PPP6R1: variants seen among roughly 807,000 people sequenced by gnomAD.
PPP6R1 encodes the protein serine/threonine-protein phosphatase 6 regulatory subunit 1.
A neutral mutation model predicts 104.6 loss-of-function variants in PPP6R1; 39 were observed. The observed-to-expected ratio is 0.37, with a 90% CI of 0.29 to 0.49. PPP6R1 has a LOEUF of 0.49. PPP6R1 is among the 20% of genes least tolerant of loss of function. The pLI, the probability that PPP6R1 is intolerant of heterozygous loss-of-function variation, is 0.98. For synonymous variants in PPP6R1, 549 were observed against 479.0 expected (o/e 1.15, Z -1.91); for missense variants, 1,181 against 1,155.8 (o/e 1.02, Z -0.32).
In PPP6R1 at chr19:55,245,682, G is replaced by C; in HGVS notation, c.228-4C>G. ...CTCGCAGGCCACACTGGGGTACCTG[G>C]GAGGCAAGCACAGGCGGGTGGGGGC... On this transcript the variant is annotated splice_polypyrimidine_tract_variant and splice_region_variant and intron_variant, in intron 2 of 23. Transcript: ENST00000412770. The surrounding 1 kb of genome is among the most constrained non-coding windows in gnomAD (Gnocchi z 6.4). 6.2e-7 allele frequency: 1 copy of C among 1,604,080 alleles called. No homozygotes were observed. The highest frequency in any genetic ancestry group is 8.5e-7 in the Non-Finnish European group (1 of 1,178,310).
rs573232014 is a variant in PPP6R1, at chr19:55,241,983, A to G, written c.845+183T>C. Among the ~76,000 whole-genome samples, 3 of 151,942 alleles carry G rather than the reference A, an allele frequency of 2.0e-5. No individual in the cohort carries two copies. The highest frequency in any genetic ancestry group is 4.4e-5 in the Non-Finnish European group (3 of 67,960). Reference sequence around the variant, plus strand: ...CTCAGCCTCAGTGCCCTCACTTGTCAAAGCAGACAAGAAGATTCCTCCCTC... The same window carrying G: ...CTCAGCCTCAGTGCCCTCACTTGTCGAAGCAGACAAGAAGATTCCTCCCTC... On this transcript the variant is annotated intron_variant, in intron 7 of 23. Transcript: ENST00000412770. This position sits in a 1 kb window ranked among gnomAD's most constrained non-coding sequence, Gnocchi z 5.4.
At chr19:55,254,585 C>A (rs1021619545) in intron 1 of PPP6R1, among the ~76,000 whole-genome samples, 1 of 152,220 alleles carries the variant, frequency 6.6e-6, no homozygotes, top group Non-Finnish European at 1.5e-5. Context: ...CCCTTCCCAA[C>A]CTGCGCTGAC....
rs1230978663 is a variant in PPP6R1, at chr19:55,258,585, G to C, written c.-157C>G. The C allele has an allele frequency of 6.7e-6, 1 of 149,588 alleles. No individual in the cohort carries two copies. The highest frequency in any genetic ancestry group is 2.5e-5 in the African/African-American group (1 of 40,438). 9.3% of individuals were successfully genotyped at this position (149,588 alleles called of 1,614,324 possible). ...CTCGCGCAGGCGCCGGGGCTCGCGG[G>C]GTCCGCGCAGGCGCCCGCGGGTCGT... is the stretch of plus-strand genomic sequence containing the variant. On this transcript the variant is annotated 5_prime_UTR_variant, in exon 1 of 24. Transcript: ENST00000412770.
chr19:55,246,851 G>C (rs1459269827), intron 2 of PPP6R1, 26 bp downstream of exon 2: 32 of 1,537,436 alleles, frequency 2.1e-5, no homozygotes, highest in Non-Finnish European at 2.7e-5. Context: ...GATAGGGACG[G>C]GCTGGCCAGG....
At chr19:55,258,258 T>G (rs2087610149) in intron 1 of PPP6R1, among the ~76,000 whole-genome samples, 177 bp downstream of exon 1, 3 of 147,770 alleles carry the variant, frequency 2.0e-5, no homozygotes, top group Non-Finnish European at 3.0e-5. Flanking sequence ...CTGGGGAGGG[T>G]CGAGGGGGAA....
chr19:55,240,686 T>C, intron 10 of PPP6R1, among the ~76,000 whole-genome samples: 1 of 152,032 alleles, frequency 6.6e-6, no homozygotes, highest in Admixed American at 6.5e-5. Context: ...TGCGCACTCA[T>C]GCACACTCAG....
At chr19:55,228,780 G>T (rs755398993), downstream of PPP6R1, 16 of 1,607,024 alleles carry the variant, frequency 1.0e-5, no homozygotes, top group Non-Finnish European at 1.3e-5. Flanking sequence ...ATCTGGGAGC[G>T]AGTGGCTTCA....
chr19:55,242,289 C>A lies in PPP6R1; in HGVS notation c.732-10G>T. On this transcript the variant is annotated splice_polypyrimidine_tract_variant and intron_variant, in intron 6 of 23. Transcript: ENST00000412770. Reference sequence around the variant, plus strand: ...CTCAATCGTCTCCTGCCTGCGGGGGCAGGGGCAGGGGTCAGGGTGAGGGGC... The same window carrying A: ...CTCAATCGTCTCCTGCCTGCGGGGGAAGGGGCAGGGGTCAGGGTGAGGGGC... The A allele has an allele frequency of 6.2e-7, 1 of 1,613,710 alleles. No homozygotes were observed. Among genetic ancestry groups the A allele is most frequent in the Non-Finnish European group, 8.5e-7 (1 of 1,179,662 alleles).
chr19:55,228,492 G>C (rs2087307098), downstream of PPP6R1: 22 of 1,597,598 alleles, frequency 1.4e-5, no homozygotes, highest in East Asian at 4.5e-5. Flanking sequence ...CCATTCTTGG[G>C]ACTCAGATCT....
intron 5 of PPP6R1, 50 bp from the exon 6 acceptor site, chr19:55,242,538 C>T: frequency 1.3e-6 from 2 of 1,496,006 alleles, no homozygotes; most frequent in Non-Finnish European, 1.9e-6. Flanking sequence ...ACCGGGCCCT[C>T]TGCAGCCTGG....
Position 55,240,065 on chromosome 19 carries a change from C to A in PPP6R1, c.1411G>T (p.Ala471Ser). ...TCCGTGTTCTGCACCAGGGCACCGG[C>A]CACTCTTGTCAGGTGACCCATGTAG... Reference protein sequence around the residue: ...KGYMGHLTRVAGALVQNTEKG... With the variant: ...KGYMGHLTRVSGALVQNTEKG... The change falls in exon 12 of 24, where the codon GCC becomes TCC. Residue 471 changes from alanine (A) to serine (S), a missense_variant. By Grantham distance (99) the Ala-to-Ser change is moderately conservative. This residue lies in a region of PPP6R1 where 1,042 missense variants were observed against 955.6 expected (regional missense o/e 1.09). Coordinates refer to ENST00000412770, the MANE Select transcript of PPP6R1 (RefSeq NM_014931.4). The A allele has an allele frequency of 6.2e-7, 1 of 1,602,544 alleles. No homozygotes were observed. The highest frequency in any genetic ancestry group is 1.1e-5 in the South Asian group (1 of 89,414).
Position 55,240,074 on chromosome 19 carries a change from T to C in PPP6R1, c.1402A>G (p.Thr468Ala). 2 of 1,601,686 alleles carry C rather than the reference T, an allele frequency of 1.2e-6. No individual in the cohort carries two copies. The highest frequency in any genetic ancestry group is 2.2e-5 in the South Asian group (2 of 89,298). ...TGCACCAGGGCACCGGCCACTCTTGTCAGGTGACCCATGTAGCCTTTCCGA... is the reference window on the plus strand; with the variant it reads ...TGCACCAGGGCACCGGCCACTCTTGCCAGGTGACCCATGTAGCCTTTCCGA... ...GPRKGYMGHL[T>A]RVAGALVQNT... is the part of the protein sequence containing the mutation. The change falls in exon 12 of 24, where the codon ACA becomes GCA. Residue 468 changes from threonine to alanine, a missense_variant. Physicochemically the swap from Thr to Ala is moderately conservative, Grantham distance 58. Transcript: ENST00000412770.
downstream of PPP6R1, chr19:55,228,275 C>T (rs755916983): frequency 3.2e-5 from 52 of 1,613,146 alleles, no homozygotes; most frequent in East Asian, 1.2e-3. Context: ...TGGGTGTAGC[C>T]CCCGCTTGGG....
chr19:55,245,088 G>C lies in PPP6R1; in HGVS notation c.618+32C>G, dbSNP rs763852289. 3 of 1,610,018 alleles carry C rather than the reference G, an allele frequency of 1.9e-6. No homozygotes were observed. The highest frequency in any genetic ancestry group is 1.7e-5 in the Admixed American group (1 of 59,420). On this transcript the variant is annotated intron_variant, in intron 5 of 23. Transcript: ENST00000412770. The surrounding 1 kb of genome is among the most constrained non-coding windows in gnomAD (Gnocchi z 6.4). ...AGTGGGCATGGGGAAGGAACTCTAA[G>C]GGGAATCCGCAGGGGCATCGGCAGC...
rs1386809119 is a variant in PPP6R1, at chr19:55,238,209, C to T, written c.1751+1196G>A. Among the ~76,000 whole-genome samples, 4 of 152,144 alleles carry T rather than the reference C, an allele frequency of 2.6e-5. No individual in the cohort carries two copies. The South Asian group carries it at 8.3e-4, about 31-fold the overall frequency. Reference sequence around the variant, plus strand: ...GCCACTGTGTCCAGCCCAGTTTTCACTTGAGCATCTTCTCCAGGGGTCTCG... The same window carrying T: ...GCCACTGTGTCCAGCCCAGTTTTCATTTGAGCATCTTCTCCAGGGGTCTCG... On this transcript the variant is annotated intron_variant, in intron 15 of 23. Coordinates refer to ENST00000412770, the MANE Select transcript of PPP6R1 (RefSeq NM_014931.4).
intron 1 of PPP6R1, among the ~76,000 whole-genome samples, chr19:55,255,314 GACCAATGA>G (rs533293933): frequency 6.6e-6 from 1 of 152,334 alleles, no homozygotes; most frequent in South Asian, 2.1e-4. Context: ...GAAAGGAAAA[GACCAATGA>G]ACGGATTTGA....
At position 55,240,247 on chromosome 19, in the gene PPP6R1, G is replaced by A. The variant is rs1458066511; in HGVS notation, c.1350C>T (p.Asn450=). 4 of 1,592,286 alleles carry A rather than the reference G, an allele frequency of 2.5e-6. No homozygotes were observed. Among genetic ancestry groups the A allele is most frequent in the South Asian group, 1.1e-5 (1 of 87,482 alleles). ...VERILTSWEE[N]DRVQCAGGPR... ...CAGCAGGTGCTCACTGTACACGGTC[G>A]TTCTCCTCCCAGGACGTCAGGATCC... Residue 450 remains asparagine (N), a synonymous_variant, in exon 11 of 24, where the codon AAC becomes AAT. Coordinates refer to ENST00000412770, the MANE Select transcript of PPP6R1 (RefSeq NM_014931.4).
chr19:55,230,661 G>A lies in PPP6R1; in HGVS notation c.2594C>T (p.Pro865Leu), dbSNP rs777845762. 59 of 1,606,044 alleles carry A rather than the reference G, an allele frequency of 3.7e-5. No homozygotes were observed. The highest frequency in any genetic ancestry group is 1.0e-4 in the Admixed American group (6 of 58,858). The change falls in exon 23 of 24, where the codon CCG becomes CTG. Residue 865 changes from proline to leucine, a missense_variant. By Grantham distance (98) the Pro-to-Leu change is moderately conservative. Transcript: ENST00000412770. ...SQSAQALTPP[P>L]IPNGSAPEGP... ...TTCCGGGGCAGAGCCATTGGGTATC[G>A]GAGGAGGCGTGAGGGCCTGGGCACT...
At position 55,241,369 on chromosome 19, in the gene PPP6R1, C is replaced by A; in HGVS notation, c.1031G>T (p.Trp344Leu). The A allele has an allele frequency of 2.5e-6, 4 of 1,611,008 alleles. No individual in the cohort carries two copies. Among genetic ancestry groups the A allele is most frequent in the Non-Finnish European group, 3.4e-6 (4 of 1,179,222 alleles). The change falls in exon 9 of 24, where the codon TGG (tryptophan) becomes TTG (leucine). Residue 344 changes from tryptophan to leucine, a missense_variant. By Grantham distance (61) the Trp-to-Leu change is moderately conservative. Around this residue, in one of 2 missense-constraint regions of PPP6R1, gnomAD observed 1,042 missense variants for 955.6 expected, o/e 1.09. Transcript: ENST00000412770. This position sits in a 1 kb window ranked among gnomAD's most constrained non-coding sequence, Gnocchi z 5.4. ...PPKLEPLQMT[W>L]GMLAPPLGNT... is the part of the protein sequence containing the mutation. ...GCCCAGAGGCGGAGCCAGCATGCCC[C>A]ATGTCATCTGTAGCGGCTCCAGCTG...
Sources: gnomAD v4.1 joint callset for allele counts (sites outside exome capture counted in the v4.1 genomes callset) on GRCh38, gnomAD v4.1.1 for gene constraint, gnomAD v4.1.1 regional missense constraint, Gnocchi (gnomAD v3.1) non-coding constraint, MANE v1.5 for transcripts, NCBI Gene and HGNC (gene_info 2026-07-23, HGNC 2026-07-21) for gene names.